The following SLC9A9 variants were observed in gnomAD, a reference collection of about 807,000 sequenced individuals.
The protein encoded by SLC9A9 is sodium/hydrogen exchanger 9.
In SLC9A9, 62 loss-of-function variants were observed where a neutral mutation model predicts 77.8. The ratio of observed to expected loss-of-function variants is 0.80; its 90% CI spans 0.65 to 0.98. The LOEUF is 0.98. SLC9A9 is among the 50% of genes least tolerant of loss of function. SLC9A9 has a pLI of 0.00. For synonymous variants in SLC9A9, 320 were observed against 283.5 expected, an observed-to-expected ratio of 1.13 and a Z score of -1.29; for missense variants, 775 against 774.9, an observed-to-expected ratio of 1.00 and a Z score of 0.00.
intron 14 of SLC9A9, among the ~76,000 whole-genome samples, chr3:143,363,112 A>G (rs2032797233): frequency 1.3e-5 from 2 of 152,164 alleles, no homozygotes. Flanking sequence ...CCCTGGCCAG[A>G]GGCTGCTGAG....
intron 12 of SLC9A9, among the ~76,000 whole-genome samples, chr3:143,452,503 T>TAA (rs58038873): frequency 7.3e-5 from 8 of 108,876 alleles, no homozygotes; most frequent in African/African-American, 2.3e-4. Context: ...TTAAAAAGAC[T>TAA]AAAAAAAAAA....
intron 12 of SLC9A9, among the ~76,000 whole-genome samples, chr3:143,414,896 C>A (rs1419792060): frequency 1.3e-5 from 2 of 152,192 alleles, no homozygotes; most frequent in Admixed American, 6.5e-5. Flanking sequence ...CCTCTTACAC[C>A]AAACAGCCAA....
At chr3:143,770,022 T>C (rs765364647) in intron 4 of SLC9A9, among the ~76,000 whole-genome samples, 15 of 152,224 alleles carry the variant, frequency 9.9e-5, no homozygotes, top group African/African-American at 1.4e-4. Flanking sequence ...AATTCTCTCA[T>C]GTTGATACTT....
chr3:143,530,784 G>T (rs1028254620), intron 9 of SLC9A9, among the ~76,000 whole-genome samples: 1 of 152,172 alleles, frequency 6.6e-6, no homozygotes, highest in Non-Finnish European at 1.5e-5. Flanking sequence ...GTCAAGATGG[G>T]AGTTTCTGAT....
chr3:143,349,940 C>T (rs566617156), intron 14 of SLC9A9, among the ~76,000 whole-genome samples: 21 of 152,260 alleles, frequency 1.4e-4, no homozygotes, highest in South Asian at 6.2e-4. Flanking sequence ...GAACTCCATC[C>T]GCGAGGCAAG....
At chr3:143,326,763 T>C (rs890008004) in intron 14 of SLC9A9, among the ~76,000 whole-genome samples, 2 of 152,226 alleles carry the variant, frequency 1.3e-5, no homozygotes, top group African/African-American at 4.8e-5. Context: ...CCCTAGTACA[T>C]TGTTAGATTG....
At chr3:143,454,302 AT>A (rs2035052762) in intron 12 of SLC9A9, among the ~76,000 whole-genome samples, 1 of 152,036 alleles carries the variant, frequency 6.6e-6, no homozygotes, top group Non-Finnish European at 1.5e-5. Flanking sequence ...GTAGCTTTGT[AT>A]TTTCATTCTC....
At chr3:143,776,183 G>T (rs2007684200) in intron 4 of SLC9A9, among the ~76,000 whole-genome samples, 1 of 151,998 alleles carries the variant, frequency 6.6e-6, no homozygotes. Context: ...CCAAATATGT[G>T]TTTATTTAAA....
chr3:143,671,763 C>A lies in SLC9A9; in HGVS notation c.650-19403G>T, dbSNP rs1318389776. Among the ~76,000 whole-genome samples, 5 of 152,150 alleles carry A rather than the reference C, an allele frequency of 3.3e-5. 1 individual carries two copies. Among genetic ancestry groups the A allele is most frequent in the Non-Finnish European group, 5.9e-5 (4 of 68,020 alleles). On this transcript the variant is annotated intron_variant, in intron 5 of 15. Coordinates refer to ENST00000316549, the MANE Select transcript of SLC9A9 (RefSeq NM_173653.4). ...TGACACTGTGTGCAGGTTTGAAATG[C>A]AGATTGCATAGTAAAAATGGCTGAT... is the stretch of plus-strand genomic sequence containing the variant.
At position 143,832,197 on chromosome 3, in the gene SLC9A9, C is replaced by G. The variant is rs372558008; in HGVS notation, c.200G>C (p.Arg67Pro). Residue 67 changes from arginine to proline, a missense_variant, in exon 2 of 16, where the codon CGA becomes CCA. Physicochemically the swap from Arg to Pro is moderately radical, Grantham distance 103 (BLOSUM62 -2). Transcript: ENST00000316549. ...AATATCAGTTGGTGCTGTAGCATAT[C>G]GTAAAATTAGTCCCATTATAAGGCC... is the stretch of plus-strand genomic sequence containing the variant. ...VYGLIMGLIL[R>P]YATAPTDIES... is the part of the protein sequence containing the mutation. 316 of 1,611,684 alleles carry G rather than the reference C, an allele frequency of 2.0e-4. No homozygotes were observed. The highest frequency in any genetic ancestry group is 2.5e-4 in the Non-Finnish European group (292 of 1,179,312).
intron 14 of SLC9A9, among the ~76,000 whole-genome samples, chr3:143,310,384 A>G (rs2030970488): frequency 6.6e-6 from 1 of 152,160 alleles, no homozygotes; most frequent in African/African-American, 2.4e-5. Flanking sequence ...CTGGGTAATA[A>G]TCTCCTTTCT....
intron 12 of SLC9A9, among the ~76,000 whole-genome samples, chr3:143,453,912 C>T (rs1017867558): frequency 6.6e-6 from 1 of 152,012 alleles, no homozygotes; most frequent in African/African-American, 2.4e-5. Flanking sequence ...CATTGGGTGC[C>T]CATATGAAAG....
intron 14 of SLC9A9, among the ~76,000 whole-genome samples, chr3:143,349,108 C>T (rs571893651): frequency 6.6e-6 from 1 of 152,194 alleles, no homozygotes; most frequent in African/African-American, 2.4e-5. Flanking sequence ...CAACTCTCTG[C>T]CCCCAGCTAC....
intron 11 of SLC9A9, among the ~76,000 whole-genome samples, chr3:143,484,246 G>C (rs2035620040): frequency 1.3e-5 from 2 of 152,164 alleles, no homozygotes; most frequent in South Asian, 2.1e-4. Context: ...ATTCTTTAAG[G>C]GGATTGGCTT....
intron 5 of SLC9A9, among the ~76,000 whole-genome samples, chr3:143,664,238 T>C (rs918618827): frequency 2.6e-5 from 4 of 152,122 alleles, no homozygotes; most frequent in African/African-American, 9.7e-5. Flanking sequence ...CCAAGCTTCA[T>C]AAGTGAAGGA....
chr3:143,544,104 C>T (rs2036741986), intron 9 of SLC9A9, among the ~76,000 whole-genome samples: 1 of 152,204 alleles, frequency 6.6e-6, no homozygotes. Context: ...TTTTGATTTG[C>T]ACTTCTCTGA....
intron 4 of SLC9A9, among the ~76,000 whole-genome samples, chr3:143,725,657 G>A (rs1253019737): frequency 1.5e-5 from 2 of 136,394 alleles, no homozygotes; most frequent in African/African-American, 2.7e-5. Context: ...AACACCGCAT[G>A]TTCTCACTCA....
At chr3:143,330,188 T>G (rs2031726564) in intron 14 of SLC9A9, among the ~76,000 whole-genome samples, 1 of 152,100 alleles carries the variant, frequency 6.6e-6, no homozygotes. Flanking sequence ...AAAGCAAACA[T>G]GGACTTTAGG....
At chr3:143,273,153 G>A (rs981755578) in intron 14 of SLC9A9, among the ~76,000 whole-genome samples, 1 of 152,226 alleles carries the variant, frequency 6.6e-6, no homozygotes, top group Admixed American at 6.5e-5. Context: ...CCTATGGCTT[G>A]TATGATGTGG....
Sources: allele counts gnomAD v4.1 joint callset (sites outside exome capture counted in the v4.1 genomes callset), GRCh38; gene constraint gnomAD v4.1.1; transcripts MANE v1.5; gene names NCBI Gene and HGNC (gene_info 2026-07-23, HGNC 2026-07-21).